Variants in FRMPD4 observed in about 807,000 individuals in gnomAD.
FRMPD4 encodes FERM and PDZ domain containing 4, also known as FERM and PDZ domain-containing protein 4.
Under a neutral mutation model 94.1 loss-of-function variants are expected in FRMPD4, and 22 were observed. The ratio of observed to expected loss-of-function variants is 0.23; its 90% CI spans 0.17 to 0.33. FRMPD4 has a LOEUF of 0.33. FRMPD4 is among the 10% of genes least tolerant of loss of function. The pLI is 1.00. For synonymous variants in FRMPD4, 631 were observed against 548.6 expected (o/e 1.15, Z -2.10); for missense variants, 1,111 against 1,339.9 (o/e 0.83, Z 2.67).
chrX:12,483,006 G>A (rs981628224), intron 1 of FRMPD4, among the ~76,000 whole-genome samples: 1 of 112,312 alleles, frequency 8.9e-6, no homozygotes, highest in African/African-American at 3.2e-5. Context: ...AGAAGAAAGA[G>A]TTGGAGAAAT....
chrX:12,204,977 G>A (rs1474516667), intron 1 of FRMPD4, among the ~76,000 whole-genome samples: 5 of 109,749 alleles, frequency 4.6e-5, no homozygotes, highest in Admixed American at 2.0e-4. Context: ...GCTTCATGCC[G>A]AAGGAGTCAC....
intron 1 of FRMPD4, among the ~76,000 whole-genome samples, chrX:12,202,822 C>T (rs2056646400): frequency 8.9e-6 from 1 of 111,798 alleles, no homozygotes; most frequent in South Asian, 3.8e-4. Context: ...CATGTAACAA[C>T]AGAGGCTGAG....
rs1040692833 is a variant in FRMPD4 at position 11,851,413 on chromosome X, T to A, written c.-160-13673T>A. Reference sequence around the variant, plus strand: ...AAAGGAATAAAATGAGAGCTCTGGCTGTGCTTGGTTGCCCCCTGACTTTTA... The same window carrying A: ...AAAGGAATAAAATGAGAGCTCTGGCAGTGCTTGGTTGCCCCCTGACTTTTA... On this transcript the variant is annotated intron_variant, in intron 1 of 18. Transcript: ENST00000640291. Among the ~76,000 whole-genome samples the A allele has an allele frequency of 1.3e-4, 15 of 111,432 alleles. No homozygotes were observed. In the East Asian group the frequency reaches 4.2e-3, roughly 31 times the overall value.
At chrX:11,905,710 C>T (rs1247675589) in intron 3 of FRMPD4, among the ~76,000 whole-genome samples, 2 of 111,139 alleles carry the variant, frequency 1.8e-5, no homozygotes, top group Non-Finnish European at 3.8e-5. Context: ...CTCCTAACCC[C>T]AAAGGATCTT....
chrX:11,883,191 C>T (rs1343786069), intron 3 of FRMPD4, among the ~76,000 whole-genome samples: 1 of 111,793 alleles, frequency 8.9e-6, no homozygotes, highest in Non-Finnish European at 1.9e-5. Context: ...GTTGGCAACA[C>T]CTAGTAAGTA....
intron 1 of FRMPD4, among the ~76,000 whole-genome samples, chrX:12,235,574 G>C (rs1158111771): frequency 8.9e-6 from 1 of 112,336 alleles, no homozygotes; most frequent in Non-Finnish European, 1.9e-5. Flanking sequence ...AGTGTAATCA[G>C]TACTATTAAG....
chrX:12,542,854 G>C (rs1206693058), intron 2 of FRMPD4, among the ~76,000 whole-genome samples: 6 of 112,216 alleles, frequency 5.3e-5, no homozygotes, highest in African/African-American at 9.7e-5. Context: ...CAAGGCTACA[G>C]TAACCAAAAC....
intron 1 of FRMPD4, among the ~76,000 whole-genome samples, chrX:12,374,362 A>G (rs1228824556): frequency 9.0e-6 from 1 of 111,491 alleles, no homozygotes; most frequent in Non-Finnish European, 1.9e-5. Context: ...ATGGCAAATC[A>G]TTTCCCCAAA....
chrX:12,706,570 A>G (rs910844874), intron 11 of FRMPD4, among the ~76,000 whole-genome samples: 1 of 111,591 alleles, frequency 9.0e-6, no homozygotes, highest in African/African-American at 3.3e-5. Flanking sequence ...GCCCTGGCCC[A>G]GCATATCTAT....
chrX:12,286,640 T>G (rs760282965), intron 1 of FRMPD4, among the ~76,000 whole-genome samples: 13 of 112,142 alleles, frequency 1.2e-4, no homozygotes, highest in Non-Finnish European at 2.1e-4. Flanking sequence ...TGTTATAGCT[T>G]TGATAAAATT....
chrX:12,211,697 A>G (rs2056756751), intron 1 of FRMPD4, among the ~76,000 whole-genome samples: 1 of 112,108 alleles, frequency 8.9e-6, no homozygotes, highest in Non-Finnish European at 1.9e-5. Flanking sequence ...TTATGCATTT[A>G]ATATAGTATA....
intron 3 of FRMPD4, among the ~76,000 whole-genome samples, chrX:11,927,488 C>T (rs1201371427): frequency 1.8e-5 from 2 of 111,756 alleles, no homozygotes; most frequent in African/African-American, 6.5e-5. Context: ...CACTACCCAA[C>T]ATCAAAACTG....
chrX:11,896,952 C>A (rs1282392178), intron 3 of FRMPD4, among the ~76,000 whole-genome samples: 1 of 111,254 alleles, frequency 9.0e-6, no homozygotes, highest in Non-Finnish European at 1.9e-5. Context: ...TGCTGGTCTC[C>A]AGAACAGACC....
In FRMPD4 at chrX:12,721,411, T is replaced by G. The variant is rs2042237487; in HGVS notation, c.4842T>G (p.Asn1614Lys). The G allele has an allele frequency of 4.0e-6, 3 of 752,822 alleles. No homozygotes were observed. The highest frequency in any genetic ancestry group is 2.3e-5 in the African/African-American group (1 of 43,034). 62.0% of individuals were successfully genotyped at this position (752,822 alleles called of 1,213,427 possible). The stretch of plus-strand genomic sequence containing the variant: ...TCCTTGCAGCCCAAAATGATGCCAA[T>G]GAGCTGCTCTGTCTCGTCAGGGCAA... ...DGFLAAQNDA[N>K]ELLCLVRATK... is the part of the protein sequence containing the mutation. The change falls in exon 17 of 17, where the codon AAT becomes AAG. Residue 1614 changes from asparagine (N) to lysine (K), a missense_variant. Coordinates refer to ENST00000675598, the MANE Select transcript of FRMPD4 (RefSeq NM_001368397.1).
At chrX:12,711,069 C>T (rs1344751985) in intron 14 of FRMPD4, among the ~76,000 whole-genome samples, 2 of 111,966 alleles carry the variant, frequency 1.8e-5, no homozygotes, top group Non-Finnish European at 3.8e-5. Context: ...ACACATCACT[C>T]AGAAGTGTCA....
intron 1 of FRMPD4, among the ~76,000 whole-genome samples, chrX:12,347,428 G>C (rs754460969): frequency 2.6e-4 from 29 of 109,893 alleles, no homozygotes; most frequent in African/African-American, 9.3e-4. Context: ...TAGTGACAAG[G>C]TCTCATTCTG....
At chrX:11,885,283 C>T (rs1034966425) in intron 3 of FRMPD4, among the ~76,000 whole-genome samples, 5 of 111,404 alleles carry the variant, frequency 4.5e-5, no homozygotes, top group African/African-American at 1.6e-4. Flanking sequence ...CACAAAAAGA[C>T]AAAGTGCTAT....
chrX:12,522,010 G>A (rs2058167344), intron 2 of FRMPD4, among the ~76,000 whole-genome samples: 1 of 110,839 alleles, frequency 9.0e-6, no homozygotes, highest in Admixed American at 9.6e-5. Flanking sequence ...GGAAAACTGT[G>A]GAATTATTTG....
intron 1 of FRMPD4, among the ~76,000 whole-genome samples, chrX:12,429,666 C>T (rs1453633267): frequency 8.9e-6 from 1 of 111,937 alleles, no homozygotes; most frequent in Non-Finnish European, 1.9e-5. Context: ...ATGTCTTTCC[C>T]CTGCCATTTT....
Sources: allele counts gnomAD v4.1 joint callset (sites outside exome capture counted in the v4.1 genomes callset), GRCh38; gene constraint gnomAD v4.1.1; transcripts MANE v1.5; gene names NCBI Gene and HGNC (gene_info 2026-07-23, HGNC 2026-07-21).